ARMH3: variants seen among roughly 807,000 people sequenced by gnomAD.
ARMH3 encodes the protein armadillo-like helical domain-containing protein 3.
A neutral mutation model predicts 99.1 loss-of-function variants in ARMH3; 60 were observed. The observed-to-expected ratio is 0.61, with a 90% CI of 0.49 to 0.75. The LOEUF is 0.75. Ranked by LOEUF, ARMH3 falls within the 30% of genes least tolerant of loss-of-function variation. The pLI, the probability that ARMH3 is intolerant of heterozygous loss-of-function variation, is 0.00. For synonymous variants in ARMH3, 285 were observed against 292.8 expected (o/e 0.97, Z 0.27); for missense variants, 679 against 843.1 (o/e 0.81, Z 2.41).
At chr10:102,005,988 A>G (rs960542135) in intron 14 of ARMH3, among the ~76,000 whole-genome samples, 2 of 152,232 alleles carry the variant, frequency 1.3e-5, no homozygotes, top group African/African-American at 4.8e-5. Context: ...ATATTTATTA[A>G]GCAAGTACCA....
intron 16 of ARMH3, among the ~76,000 whole-genome samples, chr10:101,994,696 A>G (rs1024566763): frequency 6.6e-6 from 1 of 151,780 alleles, no homozygotes; most frequent in African/African-American, 2.4e-5. Context: ...TTTACTATCC[A>G]CCCCTTCACC....
In ARMH3 at chr10:102,029,699, G is replaced by A. The variant is rs1286857221; in HGVS notation, c.353C>T (p.Thr118Ile). 3 of 1,614,178 alleles carry A rather than the reference G, an allele frequency of 1.9e-6. No homozygotes were observed. Among genetic ancestry groups the A allele is most frequent in the Non-Finnish European group, 2.5e-6 (3 of 1,180,046 alleles). The part of the protein sequence containing the change: ...IRGVHQKNKS[T>I]SGFDIINMLM... ...CATGTTGATAATGTCAAACCCAGAG[G>A]TAGACTTATTCTTTTGATGGACTCC... Residue 118 changes from threonine (T) to isoleucine (I), a missense_variant, in exon 5 of 26, where the codon ACC (threonine) becomes ATC (isoleucine). By Grantham distance (89) the Thr-to-Ile change is moderately conservative (BLOSUM62 -1). Coordinates refer to ENST00000370033, the MANE Select transcript of ARMH3 (RefSeq NM_024541.3).
At chr10:101,911,476 C>A (rs1842862719) in intron 23 of ARMH3, among the ~76,000 whole-genome samples, 1 of 152,170 alleles carries the variant, frequency 6.6e-6, no homozygotes, top group South Asian at 2.1e-4. Context: ...GAGGCTTGTA[C>A]CTGTAATCCC....
In ARMH3 at chr10:102,005,547, A is replaced by G. The variant is rs1174615092; in HGVS notation, c.1048+993T>C. ...TGCCACGGGTGGTATATGAAAACTTAAAGGAGAGAAAGAATAAAGAAGGTC... is the reference window on the plus strand; with the variant it reads ...TGCCACGGGTGGTATATGAAAACTTGAAGGAGAGAAAGAATAAAGAAGGTC... On this transcript the variant is annotated intron_variant, in intron 14 of 25. Coordinates refer to ENST00000370033, the MANE Select transcript of ARMH3 (RefSeq NM_024541.3). Among the ~76,000 whole-genome samples the G allele has an allele frequency of 2.0e-5, 3 of 152,152 alleles. No individual in the cohort carries two copies. The East Asian group carries it at 5.8e-4, about 29-fold the overall frequency.
At chr10:102,024,506 G>A (rs907572840) in intron 6 of ARMH3, among the ~76,000 whole-genome samples, 7 of 151,834 alleles carry the variant, frequency 4.6e-5, no homozygotes, top group East Asian at 1.9e-4. Context: ...TCCTCCGGGC[G>A]CGGTGGCTCA....
rs1424903179 is a variant in ARMH3, at chr10:101,944,271, TATAGAGAGAGAGAGAGAGAGAGAGAGAG to T, written c.1706-4361_1706-4334del. On this transcript the variant is annotated intron_variant, in intron 22 of 25. Coordinates refer to ENST00000370033, the MANE Select transcript of ARMH3 (RefSeq NM_024541.3). ...ATATATATATATATATATATATATATATAGAGAGAGAGAGAGAGAGAGAGAGAGAGAGAGAGAGAGAGAGAGAGAGAGA... is the reference window on the plus strand; with the variant it reads ...ATATATATATATATATATATATATATAGAGAGAGAGAGAGAGAGAGAGAGA... Among the ~76,000 whole-genome samples, 20 of 40,028 alleles carry T rather than the reference TATAGAGAGAGAGAGAGAGAGAGAGAGAG, an allele frequency of 5.0e-4. No homozygotes were observed. The East Asian group carries it at 5.5e-3, about 11-fold the overall frequency. 26.3% of individuals were successfully genotyped at this position (40,028 alleles called of 152,430 possible).
Position 101,845,754 on chromosome 10 carries a change from C to G in ARMH3, c.*1774G>C, listed in dbSNP as rs1348671682. The G allele has an allele frequency of 6.6e-6, 1 of 152,234 alleles. No individual in the cohort carries two copies. The highest frequency in any genetic ancestry group is 1.5e-5 in the Non-Finnish European group (1 of 68,060). 9.4% of individuals were successfully genotyped at this position (152,234 alleles called of 1,614,324 possible). On this transcript the variant is annotated 3_prime_UTR_variant, in exon 26 of 26. Transcript: ENST00000370033. The stretch of plus-strand genomic sequence containing the variant: ...GACCCAGCCTGTGATCTCTTAAGAA[C>G]CTACATCTACACATGGCAGCCTGTT...
chr10:101,857,987 C>G (rs2066774790), intron 24 of ARMH3, among the ~76,000 whole-genome samples: 1 of 152,210 alleles, frequency 6.6e-6, no homozygotes, highest in Admixed American at 6.5e-5. Context: ...GCAGCCTAGG[C>G]AGAGCCTCTT....
rs375223921 is a variant in ARMH3, at chr10:102,053,762, C to T, written c.-12+2323G>A. 9.9e-5 allele frequency among the ~76,000 whole-genome samples: 15 copies of T among 151,780 alleles called. 1 individual carries two copies. In the East Asian group the frequency reaches 2.7e-3, roughly 27 times the overall value. On this transcript the variant is annotated intron_variant, in intron 1 of 25. Transcript: ENST00000370033. ...GCAAGCTCCGCCTCCTGGGTTCATGCCATTCTCCTGCCTCAGCCTCCTAGT... is the reference window on the plus strand; with the variant it reads ...GCAAGCTCCGCCTCCTGGGTTCATGTCATTCTCCTGCCTCAGCCTCCTAGT...
intron 8 of ARMH3, among the ~76,000 whole-genome samples, chr10:102,018,144 T>C (rs2066790759): frequency 6.6e-6 from 1 of 152,204 alleles, no homozygotes; most frequent in Non-Finnish European, 1.5e-5. Flanking sequence ...CAGTGCCAAA[T>C]GCTTCCTACT....
chr10:101,954,977 C>G (rs1844963610), intron 22 of ARMH3, among the ~76,000 whole-genome samples: 1 of 152,184 alleles, frequency 6.6e-6, no homozygotes, highest in South Asian at 2.1e-4. Flanking sequence ...CACTCCAACT[C>G]TTTCCTTTTC....
chr10:102,011,539 C>CA (rs199524393), intron 11 of ARMH3, among the ~76,000 whole-genome samples, 184 bp downstream of exon 11: 14 of 144,958 alleles, frequency 9.7e-5, no homozygotes, highest in African/African-American at 2.3e-4. Context: ...AGTGGGGATT[C>CA]AAAAAAAAAA....
rs765827287 is a variant in ARMH3 at position 102,011,783 on chromosome 10, C to T, written c.771G>A (p.Arg257=). 5.0e-6 allele frequency: 8 copies of T among 1,605,200 alleles called. No homozygotes were observed. The East Asian group carries it at 1.8e-4, about 36-fold the overall frequency. The change falls in exon 11 of 26, where the codon AGG becomes AGA. Residue 257 remains arginine (R), a splice_region_variant and synonymous_variant. Transcript: ENST00000370033. ...VIAQALSEYN[R]QYKDKEEEHQ... ...GTTCTTCTTCCTTGTCTTTATACTGCCTAAACAAAAAGAACTAAATTCAAC... is the reference window on the plus strand; with the variant it reads ...GTTCTTCTTCCTTGTCTTTATACTGTCTAAACAAAAAGAACTAAATTCAAC...
intron 24 of ARMH3, among the ~76,000 whole-genome samples, chr10:101,852,589 G>C (rs2066629222): frequency 6.6e-6 from 1 of 152,044 alleles, no homozygotes; most frequent in African/African-American, 2.4e-5. Context: ...AACACCATCT[G>C]TACTAAAAAT....
intron 23 of ARMH3, among the ~76,000 whole-genome samples, chr10:101,900,965 C>T (rs182252497): frequency 6.6e-6 from 1 of 151,972 alleles, no homozygotes; most frequent in East Asian, 1.9e-4. Context: ...GCCTGGGCAA[C>T]AGAGCAAGAC....
chr10:101,885,587 A>T (rs1437882027), intron 24 of ARMH3, among the ~76,000 whole-genome samples: 1 of 152,192 alleles, frequency 6.6e-6, no homozygotes, highest in Non-Finnish European at 1.5e-5. Flanking sequence ...ATTCATAGAG[A>T]CAGAGTAGAA....
chr10:101,936,185 T>C (rs1173271938), intron 23 of ARMH3, among the ~76,000 whole-genome samples: 2 of 151,834 alleles, frequency 1.3e-5, no homozygotes. Context: ...TAAGGTAATA[T>C]CTTAACTTTT....
chr10:102,002,292 A>G (rs1204641340), intron 14 of ARMH3, among the ~76,000 whole-genome samples: 1 of 151,896 alleles, frequency 6.6e-6, no homozygotes, highest in Non-Finnish European at 1.5e-5. Context: ...CTGCTCTCCT[A>G]TCTAGGGCCA....
At chr10:102,025,278 CAT>C (rs1211510315) in intron 5 of ARMH3, 30 bp from the exon 6 acceptor site, 2 of 1,579,520 alleles carry the variant, frequency 1.3e-6, no homozygotes, top group Non-Finnish European at 1.7e-6. Flanking sequence ...AGCATTAAAC[CAT>C]ACCAGATAAC....
Sources: gnomAD v4.1 joint callset for allele counts (sites outside exome capture counted in the v4.1 genomes callset) on GRCh38, gnomAD v4.1.1 for gene constraint, MANE v1.5 for transcripts, NCBI Gene and HGNC (gene_info 2026-07-23, HGNC 2026-07-21) for gene names.